ATP11B: variants seen among roughly 807,000 people sequenced by gnomAD.
ATP11B encodes the protein phospholipid-transporting ATPase IF.
A neutral mutation model predicts 157.8 loss-of-function variants in ATP11B; 81 were observed. The ratio of observed to expected loss-of-function variants is 0.51; its 90% CI spans 0.43 to 0.62. The LOEUF (loss-of-function observed/expected upper bound fraction) is 0.62, where lower values mean the gene tolerates loss of function less well. Ranked by LOEUF, ATP11B falls within the 20% of genes least tolerant of loss-of-function variation. The pLI is 0.00. For missense variants in ATP11B, 1,165 were observed against 1,402.2 expected (o/e 0.83, Z 2.70); for synonymous variants, 451 against 469.4 (o/e 0.96, Z 0.51).
intron 21 of ATP11B, among the ~76,000 whole-genome samples, chr3:182,882,613 A>G (rs1722505216): frequency 6.6e-6 from 1 of 152,140 alleles, no homozygotes; most frequent in African/African-American, 2.4e-5. Flanking sequence ...GTAATAGAAG[A>G]AAATTTAATG....
chr3:182,894,034 T>G (rs1311543331), intron 25 of ATP11B, among the ~76,000 whole-genome samples: 1 of 152,206 alleles, frequency 6.6e-6, no homozygotes, highest in Non-Finnish European at 1.5e-5. Flanking sequence ...GAGATTATCT[T>G]TTTCTTGCTG....
At chr3:182,877,503 G>A (rs1358680245) in intron 19 of ATP11B, among the ~76,000 whole-genome samples, 1 of 152,164 alleles carries the variant, frequency 6.6e-6, no homozygotes, top group Non-Finnish European at 1.5e-5. Context: ...TTAGACGTGT[G>A]TGGTGACACA....
intron 25 of ATP11B, among the ~76,000 whole-genome samples, chr3:182,889,810 T>C (rs1723057558): frequency 6.6e-6 from 1 of 152,240 alleles, no homozygotes; most frequent in Non-Finnish European, 1.5e-5. Context: ...GGATATGTTA[T>C]TGCCCCTGCA....
intron 8 of ATP11B, chr3:182,843,903 A>G (rs942853101): frequency 1.3e-5 from 2 of 152,236 alleles, no homozygotes; most frequent in African/African-American, 4.8e-5. Context: ...ACATAGGAGC[A>G]TGTTCAGTAA....
intron 28 of ATP11B, chr3:182,908,510 G>A (rs989144979): frequency 6.6e-6 from 1 of 152,058 alleles, no homozygotes; most frequent in Non-Finnish European, 1.5e-5. Flanking sequence ...TCTTAGGTAT[G>A]TAATACATAC....
Position 182,858,027 on chromosome 3 carries a change from A to AGGT in ATP11B, c.1002_1002+2dup. On this transcript the variant is annotated inframe_insertion and splice_region_variant, in exon 11 of 30. Coordinates refer to ENST00000323116, the MANE Select transcript of ATP11B (RefSeq NM_014616.3). ...ACAGAACATCAAAGAAATAGCAGTA[A>AGGT]GGTATTTTATGGTGTTATTGACTGT... is the stretch of plus-strand genomic sequence containing the variant. 1 of 1,610,166 alleles carries AGGT rather than the reference A, an allele frequency of 6.2e-7. No individual in the cohort carries two copies. Among genetic ancestry groups the AGGT allele is most frequent in the Non-Finnish European group, 8.5e-7 (1 of 1,177,310 alleles).
intron 14 of ATP11B, among the ~76,000 whole-genome samples, chr3:182,866,856 T>G (rs1186680216): frequency 2.6e-5 from 1 of 38,908 alleles, no homozygotes; most frequent in African/African-American, 4.1e-5. Flanking sequence ...TAAATAAAAA[T>G]TATTATATAT....
chr3:182,837,600 C>CT (rs1553801825), intron 7 of ATP11B, among the ~76,000 whole-genome samples: 1 of 151,818 alleles, frequency 6.6e-6, no homozygotes, highest in Non-Finnish European at 1.5e-5. Flanking sequence ...AAATTATAAC[C>CT]TTATAAAGTT....
At chr3:182,860,865 G>T (rs768484673) in intron 12 of ATP11B, among the ~76,000 whole-genome samples, 14 of 151,854 alleles carry the variant, frequency 9.2e-5, no homozygotes, top group Non-Finnish European at 1.8e-4. Flanking sequence ...ACCTCCCCGA[G>T]GATATTAATG....
Position 182,889,414 on chromosome 3 carries a change from A to G in ATP11B, c.2848A>G (p.Ile950Val), listed in dbSNP as rs151186289. Residue 950 changes from isoleucine (I) to valine (V), a missense_variant, in exon 25 of 30, where the codon ATT becomes GTT. Transcript: ENST00000323116. ...LQNKPTLYRDISKNRLLSIKT... is the reference protein window; with the variant it reads ...LQNKPTLYRDVSKNRLLSIKT... ...TTTTTCTCTTCTTTTTAACAGAGACATTAGTAAAAACCGCCTCTTAAGTAT... is the reference window on the plus strand; with the variant it reads ...TTTTTCTCTTCTTTTTAACAGAGACGTTAGTAAAAACCGCCTCTTAAGTAT... 52 of 1,562,464 alleles carry G rather than the reference A, an allele frequency of 3.3e-5. No individual in the cohort carries two copies. The highest frequency in any genetic ancestry group is 5.6e-5 in the African/African-American group (4 of 71,742).
chr3:182,802,021 ACAT>A (rs964109199), intron 1 of ATP11B, among the ~76,000 whole-genome samples: 12 of 152,348 alleles, frequency 7.9e-5, no homozygotes, highest in African/African-American at 2.9e-4. Flanking sequence ...TTGCTTCAAA[ACAT>A]CATGTTGTGC....
At position 182,885,935 on chromosome 3, in the gene ATP11B, T is replaced by C; in HGVS notation, c.2656-16T>C. ...CTAAATATTTTAATTATTTTCCATT[T>C]AATCTTGTTTTTCAGAATGTGTGCT... On this transcript the variant is annotated splice_polypyrimidine_tract_variant and intron_variant, in intron 22 of 29. Transcript: ENST00000323116. The C allele has an allele frequency of 6.8e-7, 1 of 1,478,806 alleles. No homozygotes were observed. Among genetic ancestry groups the C allele is most frequent in the Non-Finnish European group, 9.0e-7 (1 of 1,110,606 alleles). 91.6% of individuals were successfully genotyped at this position (1,478,806 alleles called of 1,614,324 possible). A position where few individuals can be genotyped will look rare whatever the true frequency, so the allele number is the denominator to read the frequency against.
chr3:182,812,393 C>G (rs1358277137), intron 1 of ATP11B, among the ~76,000 whole-genome samples: 1 of 152,160 alleles, frequency 6.6e-6, no homozygotes, highest in African/African-American at 2.4e-5. Flanking sequence ...CTGGATACTG[C>G]AGCCATAAAA....
At chr3:182,911,292 T>C (rs1724776803) in intron 28 of ATP11B, among the ~76,000 whole-genome samples, 1 of 115,274 alleles carries the variant, frequency 8.7e-6, no homozygotes, top group Non-Finnish European at 1.6e-5. Context: ...CTAAGTCCTT[T>C]AAGATGTATT....
intron 28 of ATP11B, among the ~76,000 whole-genome samples, chr3:182,907,228 T>C (rs1286016532): frequency 1.3e-5 from 2 of 152,224 alleles, no homozygotes; most frequent in African/African-American, 4.8e-5. Flanking sequence ...TGATGGAGGA[T>C]AAAATTTCCT....
intron 21 of ATP11B, among the ~76,000 whole-genome samples, chr3:182,883,988 A>ACTAG (rs397991815): frequency 6.6e-6 from 1 of 151,360 alleles, no homozygotes; most frequent in Non-Finnish European, 1.5e-5. Flanking sequence ...ATGCAGACTA[A>ACTAG]AAACAGCAGT....
chr3:182,866,387 G>T lies in ATP11B; in HGVS notation c.1563G>T (p.Gln521His), dbSNP rs532752925. 2.6e-5 allele frequency: 42 copies of T among 1,613,664 alleles called. No homozygotes were observed. The East Asian group carries it at 9.4e-4, about 36-fold the overall frequency. ...GPWQSNLAPS[Q>H]LEYYASSPDE... Reference sequence around the variant, plus strand: ...GGCAATCCAACCTGGCACCATCGCAGTTGGAGTACTATGCATCTTCACCAG... The same window carrying T: ...GGCAATCCAACCTGGCACCATCGCATTTGGAGTACTATGCATCTTCACCAG... Residue 521 changes from glutamine (Q) to histidine (H), a missense_variant, in exon 14 of 30, where the codon CAG becomes CAT. Gln to His is a conservative substitution (Grantham distance 24). Transcript: ENST00000323116.
chr3:182,851,545 T>A (rs989309463), intron 10 of ATP11B, among the ~76,000 whole-genome samples: 1 of 152,216 alleles, frequency 6.6e-6, no homozygotes, highest in Non-Finnish European at 1.5e-5. Context: ...TTAAATGAAC[T>A]GTTACAAAGG....
chr3:182,913,929 G>A lies in ATP11B; in HGVS notation c.3387G>A (p.Ala1129=), dbSNP rs748565767. Residue 1129 remains alanine (A), a synonymous_variant, in exon 29 of 30, where the codon GCG becomes GCA. Transcript: ENST00000323116. ...GCTGTTTCCCGGAAGGAGAAGCAGC[G>A]TGTGCATCTGTTGGAAGAATGCTGG... ...SMCCFPEGEA[A]CASVGRMLER... The A allele has an allele frequency of 9.3e-6, 15 of 1,614,034 alleles. No homozygotes were observed. The highest frequency in any genetic ancestry group is 1.6e-4 in the Middle Eastern group (1 of 6,080).
Sources: gnomAD v4.1 joint callset for allele counts (sites outside exome capture counted in the v4.1 genomes callset) on GRCh38, gnomAD v4.1.1 for gene constraint, MANE v1.5 for transcripts, NCBI Gene and HGNC (gene_info 2026-07-23, HGNC 2026-07-21) for gene names.